Variants in FAT4 observed in about 807,000 individuals in gnomAD.
The protein encoded by FAT4 is FAT atypical cadherin 4.
In FAT4, 84 loss-of-function variants were observed where a neutral mutation model predicts 303.9. That is an observed-to-expected ratio of 0.28 (90% CI 0.23 to 0.33). The LOEUF (loss-of-function observed/expected upper bound fraction) is 0.33. FAT4 is among the 10% of genes least tolerant of loss of function. FAT4 has a pLI of 1.00. For missense variants in FAT4, 6,005 were observed against 6,146.8 expected, an observed-to-expected ratio of 0.98 and a Z score of 0.77; for synonymous variants, 2,307 against 2,298.8, an observed-to-expected ratio of 1.00 and a Z score of -0.10.
chr4:125,451,868 G>A lies in FAT4; in HGVS notation c.10858G>A (p.Glu3620Lys), dbSNP rs1209605840. 2 of 1,614,008 alleles carry A rather than the reference G, an allele frequency of 1.2e-6. No individual in the cohort carries two copies. Among genetic ancestry groups the A allele is most frequent in the South Asian group, 1.1e-5 (1 of 91,074 alleles). The change falls in exon 10 of 18, where the codon GAG becomes AAG. Residue 3620 changes from glutamate (E) to lysine (K), a missense_variant. Physicochemically the swap from Glu to Lys is moderately conservative, Grantham distance 56 (BLOSUM62 1). Transcript: ENST00000394329. ...CAATCCTTCACAGTCTCGGACGGTGGAGATATTTGTTAATTATTATGGTAA... is the reference window on the plus strand; with the variant it reads ...CAATCCTTCACAGTCTCGGACGGTGAAGATATTTGTTAATTATTATGGTAA... Reference protein sequence around the residue: ...NDNPSQSRTVEIFVNYYGNLF... With the variant: ...NDNPSQSRTVKIFVNYYGNLF...
Position 125,451,063 on chromosome 4 carries a change from TAAG to T in FAT4, c.10058_10060del (p.Lys3353del). 6.2e-7 allele frequency: 1 copy of T among 1,614,050 alleles called. No individual in the cohort carries two copies. Among genetic ancestry groups the T allele is most frequent in the South Asian group, 1.1e-5 (1 of 91,082 alleles). ...GTCGAAAGAAGGGTTTCCAGATCAA[TAAG>T]AAGACTGGACAGATTTATGTTTCTG... On this transcript the variant is annotated inframe_deletion, in exon 10 of 18. Coordinates refer to ENST00000394329, the MANE Select transcript of FAT4 (RefSeq NM_001291303.3).
In FAT4 at chr4:125,491,523, G is replaced by A; in HGVS notation, c.14707G>A (p.Gly4903Arg). Reference sequence around the variant, plus strand: ...GTACCACGGTCGCAGGGCCGAGGGAGGACCTGTGGGCACCCAGGCAGCAGC... The same window carrying A: ...GTACCACGGTCGCAGGGCCGAGGGAAGACCTGTGGGCACCCAGGCAGCAGC... The part of the protein sequence containing the change: ...RRYHGRRAEG[G>R]PVGTQAAAPG... Residue 4903 changes from glycine to arginine, a missense_variant, in exon 18 of 18, where the codon GGA (glycine) becomes AGA (arginine). Gly to Arg is a moderately radical substitution (Grantham distance 125). Coordinates refer to ENST00000394329, the MANE Select transcript of FAT4 (RefSeq NM_001291303.3). 1 of 1,614,196 alleles carries A rather than the reference G, an allele frequency of 6.2e-7. No individual in the cohort carries two copies. The highest frequency in any genetic ancestry group is 8.5e-7 in the Non-Finnish European group (1 of 1,180,032).
chr4:125,485,219 C>T (rs2126090672), intron 16 of FAT4, among the ~76,000 whole-genome samples: 1 of 152,042 alleles, frequency 6.6e-6, no homozygotes, highest in Admixed American at 6.6e-5. Flanking sequence ...TTAAATTTAT[C>T]AAAAATATTT....
chr4:125,439,614 C>T (rs749400196), intron 8 of FAT4, among the ~76,000 whole-genome samples: 31 of 152,068 alleles, frequency 2.0e-4, no homozygotes, highest in Non-Finnish European at 3.8e-4. Context: ...GCTGGGATTA[C>T]AGGCGTGAGC....
rs755984729 is a variant in FAT4 at position 125,415,540 on chromosome 4, A to C, written c.6577A>C (p.Ile2193Leu). The C allele has an allele frequency of 5.6e-6, 9 of 1,614,112 alleles. No individual in the cohort carries two copies. Among genetic ancestry groups the C allele is most frequent in the Non-Finnish European group, 7.6e-6 (9 of 1,179,970 alleles). ...CACAAATGGACAGGTTCGCTATGGC[A>C]TTGTTAATGGTAATACCAATCAGGA... ...EGTNGQVRYG[I>L]VNGNTNQEFR... Residue 2193 changes from isoleucine (I) to leucine (L), a missense_variant, in exon 6 of 18, where the codon ATT (isoleucine) becomes CTT (leucine). By Grantham distance (5) the Ile-to-Leu change is conservative. Coordinates refer to ENST00000394329, the MANE Select transcript of FAT4 (RefSeq NM_001291303.3).
In FAT4 at chr4:125,315,685, G is replaced by A. The variant is rs954030139; in HGVS notation, c.-305G>A. On this transcript the variant is annotated 5_prime_UTR_variant, in exon 1 of 18. Coordinates refer to ENST00000394329, the MANE Select transcript of FAT4 (RefSeq NM_001291303.3). ...GCGGCGGCGGCTGCAGGAGGGGAAG[G>A]GGCAGAGTTGAGCGCTCCCGGGTAC... Among the ~76,000 whole-genome samples the A allele has an allele frequency of 1.4e-4, 22 of 152,170 alleles. No individual in the cohort carries two copies. Among genetic ancestry groups the A allele is most frequent in the Non-Finnish European group, 3.1e-4 (21 of 68,028 alleles).
chr4:125,327,447 A>T (rs6825641), intron 2 of FAT4, among the ~76,000 whole-genome samples: 1 of 152,154 alleles, frequency 6.6e-6, no homozygotes, highest in African/African-American at 2.4e-5. Flanking sequence ...TTTGAAGTCA[A>T]GAGTGTTTCT....
At chr4:125,364,749 T>G (rs1282747786) in intron 2 of FAT4, among the ~76,000 whole-genome samples, 1 of 151,858 alleles carries the variant, frequency 6.6e-6, no homozygotes. Flanking sequence ...GAAAGGAAAC[T>G]GAGAAGAGAC....
At chr4:125,466,691 T>C (rs896438439) in intron 11 of FAT4, among the ~76,000 whole-genome samples, 1 of 150,746 alleles carries the variant, frequency 6.6e-6, no homozygotes, top group African/African-American at 2.4e-5. Flanking sequence ...ACATAACATA[T>C]ATATCAATAA....
intron 2 of FAT4, among the ~76,000 whole-genome samples, chr4:125,329,404 G>A (rs747769351): frequency 3.9e-5 from 6 of 152,060 alleles, no homozygotes; most frequent in Non-Finnish European, 1.5e-5. Flanking sequence ...TGCTTTATTC[G>A]GTTGGCTTCC....
In FAT4 at chr4:125,468,660, C is replaced by T; in HGVS notation, c.12054C>T (p.Asp4018=). Reference sequence around the variant, plus strand: ...ATGCCTTATTGCTTTACAACTATGACAACCAGACAGGCGACCGGGCTGAGT... The same window carrying T: ...ATGCCTTATTGCTTTACAACTATGATAACCAGACAGGCGACCGGGCTGAGT... ...KSHALLLYNY[D]NQTGDRAEFL... Residue 4018 remains aspartate (D), a synonymous_variant, in exon 12 of 18, where the codon GAC becomes GAT. Coordinates refer to ENST00000394329, the MANE Select transcript of FAT4 (RefSeq NM_001291303.3). 1 of 1,614,072 alleles carries T rather than the reference C, an allele frequency of 6.2e-7. No individual in the cohort carries two copies. The highest frequency in any genetic ancestry group is 8.5e-7 in the Non-Finnish European group (1 of 1,180,008).
rs1300312600 is a variant in FAT4, at chr4:125,317,386, G to A, written c.975G>A (p.Ala325=). The change falls in exon 2 of 18, where the codon GCG becomes GCA. Residue 325 remains alanine (A), a synonymous_variant. Transcript: ENST00000394329. The surrounding 1 kb of genome is among the most constrained non-coding windows in gnomAD (Gnocchi z 7.0). The stretch of plus-strand genomic sequence containing the variant: ...GCCAATACTCGCTTACGGTGCAGGC[G>A]ATGGACAGAGGCGTGCCTTCCCTCA... The part of the protein sequence containing the change: ...ARRQYSLTVQ[A]MDRGVPSLTG... 6.8e-6 allele frequency: 11 copies of A among 1,613,510 alleles called. No individual in the cohort carries two copies. The highest frequency in any genetic ancestry group is 8.5e-6 in the Non-Finnish European group (10 of 1,180,048).
chr4:125,348,594 G>C lies in FAT4; in HGVS notation c.5175+27008G>C, dbSNP rs114439732. Reference sequence around the variant, plus strand: ...CCACTCAAGGTAGTACACTAGAGTAGTTCTTCTTTTTTTAATATGAATACA... The same window carrying C: ...CCACTCAAGGTAGTACACTAGAGTACTTCTTCTTTTTTTAATATGAATACA... On this transcript the variant is annotated intron_variant, in intron 2 of 17. Coordinates refer to ENST00000394329, the MANE Select transcript of FAT4 (RefSeq NM_001291303.3). 6.8e-3 allele frequency among the ~76,000 whole-genome samples: 1,033 copies of C among 151,700 alleles called. 20 individuals are homozygous for C. The highest frequency in any genetic ancestry group is 0.023 in the African/African-American group (967 of 41,464).
rs142894845 is a variant in FAT4 at position 125,490,644 on chromosome 4, G to T, written c.13828G>T (p.Ala4610Ser). 2 of 1,614,022 alleles carry T rather than the reference G, an allele frequency of 1.2e-6. No homozygotes were observed. The highest frequency in any genetic ancestry group is 2.2e-5 in the South Asian group (2 of 91,070). The change falls in exon 18 of 18, where the codon GCC becomes TCC. Residue 4610 changes from alanine to serine, a missense_variant. Transcript: ENST00000394329. Reference sequence around the variant, plus strand: ...TCACAACTCAGAAACCATCCCCAGCGCCCCTTTGGCATCTCCAGAGCAGGA... The same window carrying T: ...TCACAACTCAGAAACCATCCCCAGCTCCCCTTTGGCATCTCCAGAGCAGGA... ...IPHNSETIPSAPLASPEQEIE... is the reference protein window; with the variant it reads ...IPHNSETIPSSPLASPEQEIE...
chr4:125,340,255 CTT>C (rs1039773790), intron 2 of FAT4, among the ~76,000 whole-genome samples: 14 of 152,158 alleles, frequency 9.2e-5, no homozygotes, highest in African/African-American at 3.1e-4. Flanking sequence ...ATGAGACTCT[CTT>C]AGGTGGATAT....
rs1193982802 is a variant in FAT4 at position 125,320,104 on chromosome 4, A to G, written c.3693A>G (p.Arg1231=). The G allele has an allele frequency of 6.2e-7, 1 of 1,613,948 alleles. No individual in the cohort carries two copies. The highest frequency in any genetic ancestry group is 8.5e-7 in the Non-Finnish European group (1 of 1,179,968). The stretch of plus-strand genomic sequence containing the variant: ...CAGCCAATCTGACACAAGTGTTAAG[A>G]GTATCTGCCTCAGATGTTGATGAAG... The part of the protein sequence containing the change: ...ESAANLTQVL[R]VSASDVDEGN... Residue 1231 remains arginine (R), a synonymous_variant, in exon 2 of 18, where the codon AGA becomes AGG. Transcript: ENST00000394329.
At chr4:125,442,010 T>C (rs2126050880) in intron 8 of FAT4, among the ~76,000 whole-genome samples, 1 of 152,340 alleles carries the variant, frequency 6.6e-6, no homozygotes, top group East Asian at 1.9e-4. Context: ...CTATTGTCTT[T>C]GGCTGCTCTT....
intron 2 of FAT4, among the ~76,000 whole-genome samples, chr4:125,344,053 C>T (rs752314526): frequency 2.0e-5 from 3 of 152,060 alleles, no homozygotes; most frequent in Non-Finnish European, 4.4e-5. Flanking sequence ...AAGTAATTTA[C>T]ATTTTTGAAG....
Position 125,487,445 on chromosome 4 carries a change from C to G in FAT4, c.12923C>G (p.Thr4308Ser). ...TATGTTGCAGACGGCCACTGGCACACTTTTCTAATTGGGAAAAATGGAACA... is the reference window on the plus strand; with the variant it reads ...TATGTTGCAGACGGCCACTGGCACAGTTTTCTAATTGGGAAAAATGGAACA... Reference protein sequence around the residue: ...EVYVADGHWHTFLIGKNGTAT... With the variant: ...EVYVADGHWHSFLIGKNGTAT... Residue 4308 changes from threonine to serine, a missense_variant, in exon 17 of 18, where the codon ACT becomes AGT. Physicochemically the swap from Thr to Ser is moderately conservative, Grantham distance 58. Coordinates refer to ENST00000394329, the MANE Select transcript of FAT4 (RefSeq NM_001291303.3). The G allele has an allele frequency of 1.2e-6, 2 of 1,614,068 alleles. No individual in the cohort carries two copies. Among genetic ancestry groups the G allele is most frequent in the Non-Finnish European group, 1.7e-6 (2 of 1,179,954 alleles).
Sources: gnomAD v4.1 joint callset for allele counts (sites outside exome capture counted in the v4.1 genomes callset) on GRCh38, gnomAD v4.1.1 for gene constraint, Gnocchi (gnomAD v3.1) non-coding constraint, MANE v1.5 for transcripts, NCBI Gene and HGNC (gene_info 2026-07-23, HGNC 2026-07-21) for gene names.